LOC128031832: variants seen among roughly 807,000 people sequenced by gnomAD.
At chr1:31,919,623 C>T in the LOC128031832 span, 1 of 152,448 alleles carries the variant, frequency 6.6e-6, no homozygotes, top group Non-Finnish European at 1.5e-5. Flanking sequence ...CACTCAGAAT[C>T]GCCATAAATG....
the LOC128031832 span, chr1:31,919,581 G>C: frequency 6.5e-6 from 1 of 152,720 alleles, no homozygotes; most frequent in African/African-American, 2.4e-5. Context: ...CAGCGAAAAT[G>C]CTGTGCTGAG....
the LOC128031832 span, chr1:31,919,614 A>T: frequency 6.5e-6 from 1 of 152,716 alleles, no homozygotes; most frequent in East Asian, 1.9e-4. Flanking sequence ...CTGCCCTCAC[A>T]CTCAGAATCG....
At chr1:31,919,605 T>G in the LOC128031832 span, 1 of 152,706 alleles carries the variant, frequency 6.5e-6, no homozygotes, top group Non-Finnish European at 1.5e-5. Flanking sequence ...GGCAGAAGTC[T>G]GCCCTCACAC....
the LOC128031832 span, chr1:31,919,581 G>A: frequency 6.5e-6 from 1 of 152,720 alleles, no homozygotes; most frequent in African/African-American, 2.4e-5. Context: ...CAGCGAAAAT[G>A]CTGTGCTGAG....
chr1:31,919,572 A>G, the LOC128031832 span: 1 of 152,836 alleles, frequency 6.5e-6, no homozygotes, highest in East Asian at 1.9e-4. Flanking sequence ...CTCACTTGTC[A>G]GCGAAAATGC....
At chr1:31,919,575 G>A in the LOC128031832 span, 4 of 152,690 alleles carry the variant, frequency 2.6e-5, no homozygotes, top group South Asian at 2.1e-4. Context: ...ACTTGTCAGC[G>A]AAAATGCTGT....
the LOC128031832 span, chr1:31,919,580 T>C: frequency 6.6e-6 from 1 of 152,660 alleles, no homozygotes; most frequent in East Asian, 1.9e-4. Flanking sequence ...TCAGCGAAAA[T>C]GCTGTGCTGA....
At chr1:31,919,606 G>A in the LOC128031832 span, 2 of 152,706 alleles carry the variant, frequency 1.3e-5, no homozygotes, top group African/African-American at 4.8e-5. Flanking sequence ...GCAGAAGTCT[G>A]CCCTCACACT....
Sources: allele counts gnomAD v4.1 joint callset, GRCh38; gene constraint gnomAD v4.1.1; transcripts MANE v1.5.